Variants in POLR1A observed in about 807,000 individuals in gnomAD.
POLR1A encodes the protein DNA-directed RNA polymerase I subunit RPA1.
In POLR1A, 84 loss-of-function variants were observed where a neutral mutation model predicts 205.3. The ratio of observed to expected loss-of-function variants is 0.41; its 90% CI spans 0.34 to 0.49. POLR1A has a LOEUF of 0.49. Ranked by LOEUF, POLR1A falls within the 20% of genes least tolerant of loss-of-function variation. The pLI is 0.22. For synonymous variants in POLR1A, 799 were observed against 863.7 expected (o/e 0.93, Z 1.31); for missense variants, 1,645 against 2,204.5 (o/e 0.75, Z 5.08).
In POLR1A at chr2:86,038,786, C is replaced by G. The variant is rs1375906890; in HGVS notation, c.3948G>C (p.Gln1316His). The G allele has an allele frequency of 1.2e-6, 2 of 1,613,888 alleles. No homozygotes were observed. Among genetic ancestry groups the G allele is most frequent in the Non-Finnish European group, 8.5e-7 (1 of 1,179,898 alleles). The change falls in exon 27 of 34, where the codon CAG becomes CAC. Residue 1316 changes from glutamine to histidine, a missense_variant. Physicochemically the swap from Gln to His is conservative, Grantham distance 24 (BLOSUM62 0). Coordinates refer to ENST00000263857, the MANE Select transcript of POLR1A (RefSeq NM_015425.6). ...EEKQNKFQVY[Q>H]LRFQFLPHAY... is the part of the protein sequence containing the mutation. ...CATGTGGCAGGAACTGAAACCGCAG[C>G]TGGTACACCTGGAATTTGTTCTGTT...
chr2:86,081,113 C>T (rs1012315542), intron 8 of POLR1A, 135 bp from the exon 9 acceptor site: 20 of 785,084 alleles, frequency 2.5e-5, no homozygotes, highest in African/African-American at 1.2e-4. Flanking sequence ...ACCAACATTC[C>T]GGCTGGGTGT....
chr2:86,079,269 C>T (rs138532144), intron 9 of POLR1A, among the ~76,000 whole-genome samples: 5 of 152,154 alleles, frequency 3.3e-5, no homozygotes, highest in African/African-American at 1.2e-4. Context: ...GAGGGAGATA[C>T]GATCACCTGC....
intron 24 of POLR1A, among the ~76,000 whole-genome samples, chr2:86,041,186 TGTGTGC>T (rs757803280): frequency 0.19 from 12,260 of 64,912 alleles, 783 homozygotes; most frequent in South Asian, 0.25. Flanking sequence ...TGTGTGTGTG[TGTGTGC>T]GCGCTGAGCT....
At chr2:86,092,040 TG>T (rs1232288928) in intron 3 of POLR1A, among the ~76,000 whole-genome samples, 1 of 152,068 alleles carries the variant, frequency 6.6e-6, no homozygotes, top group Non-Finnish European at 1.5e-5. Context: ...CGCTTTAGCC[TG>T]GGAGGCAGAG....
intron 14 of POLR1A, among the ~76,000 whole-genome samples, chr2:86,055,606 T>G (rs1445081702): frequency 6.6e-6 from 1 of 152,136 alleles, no homozygotes; most frequent in Admixed American, 6.5e-5. Context: ...ACCCCCAGGC[T>G]AGGCATAGTC....
chr2:86,032,573 C>T (rs1672418196), intron 28 of POLR1A, among the ~76,000 whole-genome samples, 191 bp from the exon 29 acceptor site: 1 of 152,044 alleles, frequency 6.6e-6, no homozygotes, highest in African/African-American at 2.4e-5. Flanking sequence ...TGTCCAGTCC[C>T]AGAACCCAGG....
In POLR1A at chr2:86,085,926, T is replaced by C. The variant is rs866819827; in HGVS notation, c.730+2640A>G. Among the ~76,000 whole-genome samples the C allele has an allele frequency of 5.3e-5, 8 of 152,250 alleles. No homozygotes were observed. In the South Asian group the frequency reaches 1.7e-3, roughly 31 times the overall value. ...TATGAATTCTCATTTTAAATGTTAA[T>C]GTGCCTTGTGGGGCTCAGGGGGGCA... On this transcript the variant is annotated intron_variant, in intron 6 of 33. Transcript: ENST00000263857.
chr2:86,084,960 C>T (rs1673476224), intron 6 of POLR1A, among the ~76,000 whole-genome samples: 1 of 151,900 alleles, frequency 6.6e-6, no homozygotes, highest in Non-Finnish European at 1.5e-5. Context: ...TAAGTCATGT[C>T]CAGTATTTTC....
intron 13 of POLR1A, among the ~76,000 whole-genome samples, chr2:86,069,317 G>A (rs1673135317): frequency 6.6e-6 from 1 of 152,218 alleles, no homozygotes; most frequent in African/African-American, 2.4e-5. Context: ...TGAGGGTGAA[G>A]GAGGCACTGG....
chr2:86,054,399 C>T, intron 14 of POLR1A, 110 bp from the exon 15 acceptor site: 2 of 1,040,890 alleles, frequency 1.9e-6, no homozygotes, highest in Non-Finnish European at 2.8e-6. Context: ...GGACCTCCTG[C>T]CCTTGCAATG....
intron 6 of POLR1A, among the ~76,000 whole-genome samples, chr2:86,085,013 G>A (rs1673477077): frequency 6.6e-6 from 1 of 152,198 alleles, no homozygotes; most frequent in South Asian, 2.1e-4. Flanking sequence ...CCAGGCTGGA[G>A]TGCAGTGGCA....
chr2:86,032,352 C>T lies in POLR1A; in HGVS notation c.4192G>A (p.Gly1398Arg). 2 of 1,613,428 alleles carry T rather than the reference C, an allele frequency of 1.2e-6. No individual in the cohort carries two copies. Among genetic ancestry groups the T allele is most frequent in the South Asian group, 1.1e-5 (1 of 91,048 alleles). The change falls in exon 29 of 34, where the codon GGG becomes AGG. Residue 1398 changes from glycine (G) to arginine (R), a missense_variant. This residue lies in a region of POLR1A where 394 missense variants were observed against 468.5 expected (regional missense o/e 0.84). Transcript: ENST00000263857. ...TCAGCTTCAGCATCCACAATGTGCCCCTCCTCTTCCTCATCACCCTCCTGC... is the reference window on the plus strand; with the variant it reads ...TCAGCTTCAGCATCCACAATGTGCCTCTCCTCTTCCTCATCACCCTCCTGC... ...GEQEGDEEEE[G>R]HIVDAEAEEG...
At chr2:86,088,164 T>G (rs998315964) in intron 6 of POLR1A, among the ~76,000 whole-genome samples, 2 of 152,184 alleles carry the variant, frequency 1.3e-5, no homozygotes, top group African/African-American at 4.8e-5. Flanking sequence ...GCGCTCATGT[T>G]TTGCTGAATT....
chr2:86,036,366 G>A, intron 27 of POLR1A, among the ~76,000 whole-genome samples: 1 of 152,152 alleles, frequency 6.6e-6, no homozygotes, highest in East Asian at 1.9e-4. Context: ...GCAGAGATCT[G>A]GGGGGCCTTC....
At chr2:86,076,760 C>A (rs140191922) in intron 11 of POLR1A, among the ~76,000 whole-genome samples, 1 of 152,206 alleles carries the variant, frequency 6.6e-6, no homozygotes, top group African/African-American at 2.4e-5. Flanking sequence ...AGGTCTCTCA[C>A]AGAGCTGGGG....
chr2:86,092,817 T>A (rs886687629), intron 3 of POLR1A, among the ~76,000 whole-genome samples: 1 of 151,548 alleles, frequency 6.6e-6, no homozygotes. Flanking sequence ...AGAGTGAGAC[T>A]CTCTCTCAAA....
intron 3 of POLR1A, among the ~76,000 whole-genome samples, chr2:86,097,320 C>T (rs1402925630): frequency 4.7e-5 from 7 of 148,182 alleles, no homozygotes; most frequent in South Asian, 2.2e-4. Context: ...ATAGCCACTA[C>T]GGGAAACATA....
At chr2:86,049,542 T>C (rs1672764591) in intron 16 of POLR1A, among the ~76,000 whole-genome samples, 2 of 152,134 alleles carry the variant, frequency 1.3e-5, no homozygotes, top group South Asian at 4.1e-4. Flanking sequence ...TTCATGTTCT[T>C]AGCCACCAGC....
At chr2:86,037,393 C>G (rs959413686) in intron 27 of POLR1A, among the ~76,000 whole-genome samples, 3 of 152,260 alleles carry the variant, frequency 2.0e-5, no homozygotes, top group African/African-American at 7.2e-5. Flanking sequence ...ACCCCAAGAC[C>G]CACCATCCCA....
Sources: allele counts gnomAD v4.1 joint callset (sites outside exome capture counted in the v4.1 genomes callset), GRCh38; gene constraint gnomAD v4.1.1; regional missense constraint gnomAD v4.1.1; transcripts MANE v1.5; gene names NCBI Gene and HGNC (gene_info 2026-07-23, HGNC 2026-07-21).